PPP4R4: variants seen among roughly 807,000 people sequenced by gnomAD.
PPP4R4 encodes the protein serine/threonine-protein phosphatase 4 regulatory subunit 4.
Under a neutral mutation model 121.8 loss-of-function variants are expected in PPP4R4, and 70 were observed. The observed-to-expected ratio is 0.57, with a 90% CI of 0.47 to 0.70. PPP4R4 has a LOEUF of 0.70. Ranked by LOEUF, PPP4R4 falls within the 30% of genes least tolerant of loss-of-function variation. The pLI is 0.00. For synonymous variants in PPP4R4, 348 were observed against 355.7 expected (o/e 0.98, Z 0.24); for missense variants, 875 against 1,033.6 (o/e 0.85, Z 2.10).
chr14:94,276,905 A>T (rs1894673008), intron 24 of PPP4R4, among the ~76,000 whole-genome samples: 1 of 152,224 alleles, frequency 6.6e-6, no homozygotes, highest in Non-Finnish European at 1.5e-5. Context: ...CATTGATATT[A>T]CAGGTTAATG....
chr14:94,221,398 G>A (rs550933692), intron 3 of PPP4R4, among the ~76,000 whole-genome samples: 1 of 152,164 alleles, frequency 6.6e-6, no homozygotes, highest in Non-Finnish European at 1.5e-5. Context: ...ACACTATTAA[G>A]TGAATGAAAA....
At chr14:94,208,443 A>G in intron 2 of PPP4R4, 21 bp from the exon 3 acceptor site, 1 of 1,557,522 alleles carries the variant, frequency 6.4e-7, no homozygotes, top group Non-Finnish European at 8.8e-7. Flanking sequence ...ATAAATTTTA[A>G]ATTTGTGTTT....
chr14:94,217,566 C>T (rs1316263066), intron 3 of PPP4R4, among the ~76,000 whole-genome samples: 3 of 151,876 alleles, frequency 2.0e-5, no homozygotes, highest in African/African-American at 4.8e-5. Context: ...CAGAGATGAC[C>T]CAGATATTGG....
Position 94,242,426 on chromosome 14 carries a change from A to G in PPP4R4, c.1266+18A>G. On this transcript the variant is annotated intron_variant, in intron 11 of 24. Transcript: ENST00000304338. ...TTTATGAAGTAAGTCTGAAGACTTG[A>G]TATCACTTTACGTTTGTTGTTAATT... 6.3e-7 allele frequency: 1 copy of G among 1,597,338 alleles called. No homozygotes were observed. The highest frequency in any genetic ancestry group is 1.1e-5 in the South Asian group (1 of 90,546).
Position 94,251,873 on chromosome 14 carries a change from A to G in PPP4R4, c.1842A>G (p.Thr614=). ...TCTTTCTACCTGCTATTGAACTGACACATGATCCAGTAGCAAATGTGAGGT... is the reference window on the plus strand; with the variant it reads ...TCTTTCTACCTGCTATTGAACTGACGCATGATCCAGTAGCAAATGTGAGGT... ...KYFFLPAIEL[T]HDPVANVRMK... Residue 614 remains threonine, a synonymous_variant, in exon 16 of 25, where the codon ACA becomes ACG. Transcript: ENST00000304338. The G allele has an allele frequency of 6.3e-7, 1 of 1,587,866 alleles. No individual in the cohort carries two copies. Among genetic ancestry groups the G allele is most frequent in the Middle Eastern group, 1.7e-4 (1 of 5,984 alleles).
chr14:94,221,301 TG>T (rs1030278808), intron 3 of PPP4R4, among the ~76,000 whole-genome samples: 61 of 152,248 alleles, frequency 4.0e-4, no homozygotes, highest in African/African-American at 1.4e-3. Context: ...TTTGTGACCT[TG>T]GGTTAGGTAA....
chr14:94,181,153 A>G (rs1888964233), intron 2 of PPP4R4, among the ~76,000 whole-genome samples: 1 of 151,932 alleles, frequency 6.6e-6, no homozygotes, highest in African/African-American at 2.4e-5. Flanking sequence ...ATTTACTTTC[A>G]TTATTGTCTT....
At chr14:94,244,603 C>T (rs1892795205) in intron 11 of PPP4R4, 32 bp from the exon 12 acceptor site, 4 of 1,437,092 alleles carry the variant, frequency 2.8e-6, no homozygotes, top group Non-Finnish European at 2.8e-6. Flanking sequence ...CTAGTACTCT[C>T]AAATCTGAGA....
chr14:94,278,552 T>TTTTCTCCC, intron 24 of PPP4R4, 67 bp from the exon 25 acceptor site: 1 of 1,085,946 alleles, frequency 9.2e-7, no homozygotes, highest in Non-Finnish European at 1.3e-6. Flanking sequence ...ATTTTTTTCT[T>TTTTCTCCC]TTTCTCCCTT....
At chr14:94,207,690 ATATATC>A (rs1567114883) in intron 2 of PPP4R4, among the ~76,000 whole-genome samples, 2 of 151,604 alleles carry the variant, frequency 1.3e-5, no homozygotes, top group Non-Finnish European at 1.5e-5. Context: ...TTTTTGATAT[ATATATC>A]TATATCTATC....
At chr14:94,233,057 CAA>C (rs11399509) in intron 5 of PPP4R4, among the ~76,000 whole-genome samples, 3 of 134,964 alleles carry the variant, frequency 2.2e-5, no homozygotes, top group Admixed American at 7.6e-5. Context: ...GACTCCGTCT[CAA>C]AAAAAAAAAA....
intron 23 of PPP4R4, among the ~76,000 whole-genome samples, chr14:94,272,294 T>G (rs533163285): frequency 3.9e-5 from 6 of 152,292 alleles, no homozygotes; most frequent in African/African-American, 1.2e-4. Context: ...AGTGTGGTAT[T>G]GGCAAAAGAA....
chr14:94,202,872 A>G (rs1890264946), intron 2 of PPP4R4, among the ~76,000 whole-genome samples: 1 of 151,338 alleles, frequency 6.6e-6, no homozygotes, highest in Non-Finnish European at 1.5e-5. Flanking sequence ...AATCCCAGCT[A>G]CTCGGGAGGC....
intron 20 of PPP4R4, 76 bp downstream of exon 20, chr14:94,265,023 T>G: frequency 8.1e-7 from 1 of 1,228,282 alleles, no homozygotes; most frequent in African/African-American, 1.5e-5. Flanking sequence ...AAGACCATGC[T>G]GAATTTTTTA....
At chr14:94,208,608 C>A in intron 3 of PPP4R4, 42 bp downstream of exon 3, 1 of 1,488,964 alleles carries the variant, frequency 6.7e-7, no homozygotes, top group Non-Finnish European at 9.3e-7. Context: ...CCATTTTTTC[C>A]CAGTAGCATG....
chr14:94,175,221 C>T (rs928614841), intron 1 of PPP4R4, among the ~76,000 whole-genome samples: 27 of 151,928 alleles, frequency 1.8e-4, no homozygotes, highest in Admixed American at 5.2e-4. Context: ...GCCCGGCCTC[C>T]CCTCGCTTCC....
chr14:94,227,501 G>A (rs1891783184), intron 3 of PPP4R4: 1 of 1,364,398 alleles, frequency 7.3e-7, no homozygotes, highest in Non-Finnish European at 9.5e-7. Context: ...AGTCCCAGAT[G>A]TTGAAGTCAG....
intron 15 of PPP4R4, among the ~76,000 whole-genome samples, chr14:94,250,519 A>T (rs181105239): frequency 5.9e-5 from 9 of 152,140 alleles, no homozygotes; most frequent in African/African-American, 2.2e-4. Context: ...ATTTACTTAT[A>T]TTGAAAGCCC....
intron 3 of PPP4R4, chr14:94,227,659 C>A: frequency 9.0e-7 from 1 of 1,109,824 alleles, no homozygotes; most frequent in South Asian, 3.7e-5. Context: ...TCATGTTCTT[C>A]CTTTGTATAA....
Sources: allele counts gnomAD v4.1 joint callset (sites outside exome capture counted in the v4.1 genomes callset), GRCh38; gene constraint gnomAD v4.1.1; transcripts MANE v1.5; gene names NCBI Gene and HGNC (gene_info 2026-07-23, HGNC 2026-07-21).